Variants in DSCAM observed in about 807,000 individuals in gnomAD.
DSCAM encodes cell adhesion molecule DSCAM.
A neutral mutation model predicts 217.7 loss-of-function variants in DSCAM; 47 were observed. That is an observed-to-expected ratio of 0.22 (90% CI 0.17 to 0.28). The LOEUF is 0.28. Ranked by LOEUF, DSCAM falls within the 10% of genes least tolerant of loss-of-function variation. The pLI is 1.00. For missense variants in DSCAM, 2,080 were observed against 2,618.3 expected, an observed-to-expected ratio of 0.79 and a Z score of 4.49; for synonymous variants, 1,056 against 1,015.3, an observed-to-expected ratio of 1.04 and a Z score of -0.76.
intron 3 of DSCAM, among the ~76,000 whole-genome samples, chr21:40,550,689 T>G (rs2076622984): frequency 6.6e-6 from 1 of 152,154 alleles, no homozygotes; most frequent in Non-Finnish European, 1.5e-5. Context: ...AAGAAAAACT[T>G]TAGACAAATT....
intron 4 of DSCAM, among the ~76,000 whole-genome samples, chr21:40,359,302 A>G (rs566542079): frequency 6.6e-6 from 1 of 152,338 alleles, no homozygotes; most frequent in Admixed American, 6.5e-5. Context: ...GTCACTTTTA[A>G]GCAGAATTTC....
At chr21:40,442,910 C>T (rs1039606572) in intron 3 of DSCAM, among the ~76,000 whole-genome samples, 2 of 152,104 alleles carry the variant, frequency 1.3e-5, no homozygotes, top group Admixed American at 6.5e-5. Flanking sequence ...CTCTCTTCCC[C>T]GGTACATGTG....
intron 3 of DSCAM, among the ~76,000 whole-genome samples, chr21:40,566,048 C>T (rs1399766938): frequency 1.3e-5 from 2 of 152,192 alleles, no homozygotes; most frequent in Non-Finnish European, 2.9e-5. Flanking sequence ...GTAAGCCAAA[C>T]TCTGTAAACC....
chr21:40,597,188 C>G (rs2077027503), intron 3 of DSCAM, among the ~76,000 whole-genome samples: 1 of 152,108 alleles, frequency 6.6e-6, no homozygotes. Flanking sequence ...TATTTCTAAG[C>G]CAGGTTGGCT....
At chr21:40,157,690 CT>C (rs2090493931) in intron 16 of DSCAM, among the ~76,000 whole-genome samples, 1 of 69,308 alleles carries the variant, frequency 1.4e-5, no homozygotes, top group South Asian at 6.2e-4. Context: ...CTTTCCTTTT[CT>C]TTTTTCTTTT....
At chr21:40,310,807 T>C (rs1217498144) in intron 9 of DSCAM, among the ~76,000 whole-genome samples, 1 of 152,226 alleles carries the variant, frequency 6.6e-6, no homozygotes, top group Non-Finnish European at 1.5e-5. Context: ...TTTTTATTTA[T>C]CTTTCAAAAT....
intron 15 of DSCAM, among the ~76,000 whole-genome samples, chr21:40,171,055 T>G (rs1021736802): frequency 6.6e-6 from 1 of 152,308 alleles, no homozygotes; most frequent in South Asian, 2.1e-4. Flanking sequence ...TGGGAGTAAC[T>G]TACTTTTCCA....
chr21:40,085,571 TATC>T lies in DSCAM; in HGVS notation c.4132+28_4132+30del. On this transcript the variant is annotated intron_variant, in intron 23 of 32. Coordinates refer to ENST00000400454, the MANE Select transcript of DSCAM (RefSeq NM_001389.5). ...GCATAGAAAGCATACATGTAAAAGATATCATTAAAAAGAGTCCTCAAATGTTGT... is the reference window on the plus strand; with the variant it reads ...GCATAGAAAGCATACATGTAAAAGATATTAAAAAGAGTCCTCAAATGTTGT... 3 of 1,452,618 alleles carry T rather than the reference TATC, an allele frequency of 2.1e-6. No individual in the cohort carries two copies. The South Asian group carries it at 4.8e-5, about 23-fold the overall frequency. The allele number at this position is 1,452,618 out of a possible 1,614,324, so 90.0% of individuals were successfully genotyped here. A position where few individuals can be genotyped will look rare whatever the true frequency, so the allele number is the denominator to read the frequency against.
chr21:40,842,266 T>C (rs547162515), intron 1 of DSCAM, among the ~76,000 whole-genome samples: 5 of 152,322 alleles, frequency 3.3e-5, no homozygotes, highest in African/African-American at 9.6e-5. Context: ...CACACGCGCT[T>C]GTTTGTGTGG....
chr21:40,815,916 A>T (rs1020429676), intron 1 of DSCAM, among the ~76,000 whole-genome samples: 1 of 152,224 alleles, frequency 6.6e-6, no homozygotes, highest in African/African-American at 2.4e-5. Flanking sequence ...GCATTTAGAA[A>T]GTGCTCAGTA....
At chr21:40,599,355 A>G (rs2077045466) in intron 3 of DSCAM, among the ~76,000 whole-genome samples, 1 of 152,080 alleles carries the variant, frequency 6.6e-6, no homozygotes, top group South Asian at 2.1e-4. Context: ...TATTTATCCT[A>G]ATGCTCTCCC....
At chr21:40,444,102 C>A (rs1004267214) in intron 3 of DSCAM, among the ~76,000 whole-genome samples, 1 of 152,146 alleles carries the variant, frequency 6.6e-6, no homozygotes, top group African/African-American at 2.4e-5. Context: ...TTAATAGGGG[C>A]TACTTTCCTT....
chr21:40,801,653 C>A (rs1038013157), intron 1 of DSCAM, among the ~76,000 whole-genome samples: 3 of 152,176 alleles, frequency 2.0e-5, no homozygotes, highest in Admixed American at 6.5e-5. Flanking sequence ...AACGGTGCTC[C>A]ACAACTGCCC....
At chr21:40,481,548 A>AC (rs2075983110) in intron 3 of DSCAM, among the ~76,000 whole-genome samples, 1 of 151,602 alleles carries the variant, frequency 6.6e-6, no homozygotes, top group African/African-American at 2.4e-5. Context: ...AAAAAAAAAA[A>AC]AAAAGCTCAC....
Position 40,512,010 on chromosome 21 carries a change from A to AAAAAAAAAAG in DSCAM, c.509-142766_509-142765insCTTTTTTTTT, listed in dbSNP as rs61560593. Among the ~76,000 whole-genome samples the AAAAAAAAAAG allele has an allele frequency of 2.7e-4, 29 of 106,368 alleles. 4 individuals carry two copies. Among genetic ancestry groups the AAAAAAAAAAG allele is most frequent in the Non-Finnish European group, 3.5e-4 (19 of 54,112 alleles). The allele number at this position is 106,368 out of a possible 152,430, so 69.8% of individuals were successfully genotyped here. Reference sequence around the variant, plus strand: ...TGTCTCAAAAAAAAAAAAAAAAAAAAGTATTCTATTTGAGGTCTTGCTTTT... The same window carrying AAAAAAAAAAG: ...TGTCTCAAAAAAAAAAAAAAAAAAAAAAAAAAAAAGGTATTCTATTTGAGGTCTTGCTTTT... On this transcript the variant is annotated intron_variant, in intron 3 of 32. Transcript: ENST00000400454.
chr21:40,210,802 C>T (rs1052797503), intron 11 of DSCAM, among the ~76,000 whole-genome samples: 1 of 152,230 alleles, frequency 6.6e-6, no homozygotes, highest in Non-Finnish European at 1.5e-5. Flanking sequence ...TCCTCAGCCT[C>T]TCAAAGTGCT....
At chr21:40,038,859 C>T (rs1401041377) in intron 32 of DSCAM, among the ~76,000 whole-genome samples, 3 of 151,552 alleles carry the variant, frequency 2.0e-5, no homozygotes, top group Non-Finnish European at 4.4e-5. Flanking sequence ...GAGTTCATGT[C>T]CTTTGTAGGG....
chr21:40,653,176 C>T (rs757686394), intron 3 of DSCAM, among the ~76,000 whole-genome samples: 11 of 152,198 alleles, frequency 7.2e-5, no homozygotes, highest in Non-Finnish European at 1.6e-4. Flanking sequence ...ATAACCTTAA[C>T]AACAATAGCT....
At position 40,458,117 on chromosome 21, in the gene DSCAM, T is replaced by C. The variant is rs145304305; in HGVS notation, c.509-88872A>G. Among the ~76,000 whole-genome samples the C allele has an allele frequency of 4.9e-4, 75 of 152,308 alleles. 1 individual carries two copies. The East Asian group carries it at 0.013, about 26-fold the overall frequency. ...CTCTCAGTCCATGACTGACCCAGTA[T>C]ACAACGAAAGAAAAATAATGAAGAT... On this transcript the variant is annotated intron_variant, in intron 3 of 32. Coordinates refer to ENST00000400454, the MANE Select transcript of DSCAM (RefSeq NM_001389.5).
Sources: allele counts gnomAD v4.1 joint callset (sites outside exome capture counted in the v4.1 genomes callset), GRCh38; gene constraint gnomAD v4.1.1; transcripts MANE v1.5; gene names NCBI Gene and HGNC (gene_info 2026-07-23, HGNC 2026-07-21).